The following WWC1 variants were observed in gnomAD, a reference collection of about 807,000 sequenced individuals.
WWC1 encodes WW and C2 domain containing 1, also known as protein KIBRA.
WWC1 carries 55 observed loss-of-function variants against 138.4 expected under a neutral mutation model. The ratio of observed to expected loss-of-function variants is 0.40; its 90% CI spans 0.32 to 0.50. The LOEUF (loss-of-function observed/expected upper bound fraction) is 0.50, where lower values mean the gene tolerates loss of function less well. Among genes scored for constraint, WWC1 ranks in the 20% least tolerant of loss-of-function variants. The pLI is 0.72. For missense variants in WWC1, 1,226 were observed against 1,420.4 expected, an observed-to-expected ratio of 0.86 and a Z score of 2.20; for synonymous variants, 524 against 564.9, an observed-to-expected ratio of 0.93 and a Z score of 1.03.
chr5:168,334,225 AAAC>A (rs143593638), intron 1 of WWC1, among the ~76,000 whole-genome samples: 18 of 151,228 alleles, frequency 1.2e-4, no homozygotes, highest in East Asian at 3.9e-4. Flanking sequence ...TCCTGTCTCA[AAAC>A]AACAACAACA....
intron 1 of WWC1, among the ~76,000 whole-genome samples, chr5:168,367,663 G>T (rs1358378057): frequency 2.0e-5 from 3 of 152,132 alleles, no homozygotes; most frequent in African/African-American, 7.2e-5. Flanking sequence ...TTTGGAATCT[G>T]GCAGTGGAAC....
intron 1 of WWC1, among the ~76,000 whole-genome samples, chr5:168,315,629 G>T (rs1771517110): frequency 6.6e-6 from 1 of 152,052 alleles, no homozygotes; most frequent in Admixed American, 6.6e-5. Flanking sequence ...CCTGAATGGG[G>T]AAGCATCCTG....
intron 6 of WWC1, among the ~76,000 whole-genome samples, chr5:168,408,063 C>T (rs1354764361): frequency 1.4e-5 from 2 of 147,466 alleles, no homozygotes; most frequent in African/African-American, 5.0e-5. Context: ...GATGGGAGTC[C>T]CACTGTGTTG....
At chr5:168,408,355 G>A in intron 6 of WWC1, 152 bp from the exon 7 acceptor site, 1 of 905,032 alleles carries the variant, frequency 1.1e-6, no homozygotes, top group Non-Finnish European at 1.6e-6. Flanking sequence ...CCCACTCACT[G>A]CTAGCTCTCT....
intron 1 of WWC1, among the ~76,000 whole-genome samples, chr5:168,318,222 T>C (rs1020136717): frequency 6.6e-6 from 1 of 152,202 alleles, no homozygotes; most frequent in Non-Finnish European, 1.5e-5. Flanking sequence ...CAATTTTTTA[T>C]AAGATTGTAT....
intron 15 of WWC1, 80 bp downstream of exon 15, chr5:168,431,524 G>C: frequency 6.7e-7 from 1 of 1,493,464 alleles, no homozygotes; most frequent in Non-Finnish European, 9.0e-7. Flanking sequence ...CTGTGTTTAT[G>C]GGGATTGGTC....
At chr5:168,394,747 C>T (rs1197679659) in intron 3 of WWC1, among the ~76,000 whole-genome samples, 1 of 151,982 alleles carries the variant, frequency 6.6e-6, no homozygotes, top group Admixed American at 6.6e-5. Flanking sequence ...AATAAGTTCT[C>T]GTAGTAGAGG....
chr5:168,441,466 A>G (rs1411782914), intron 15 of WWC1, among the ~76,000 whole-genome samples: 1 of 152,212 alleles, frequency 6.6e-6, no homozygotes, highest in African/African-American at 2.4e-5. Context: ...TAAGTCTTCA[A>G]TAAAGATTTG....
At chr5:168,339,878 T>C (rs1773853139) in intron 1 of WWC1, among the ~76,000 whole-genome samples, 1 of 143,066 alleles carries the variant, frequency 7.0e-6, no homozygotes, top group African/African-American at 2.8e-5. Context: ...TCTCTCTCCC[T>C]CTCTCCCTCT....
intron 1 of WWC1, among the ~76,000 whole-genome samples, chr5:168,307,805 T>C (rs1770712333): frequency 6.6e-6 from 1 of 151,906 alleles, no homozygotes; most frequent in Non-Finnish European, 1.5e-5. Flanking sequence ...AGAAGTGGGT[T>C]TTCACCATGT....
chr5:168,396,934 A>G (rs1778946883), intron 3 of WWC1, among the ~76,000 whole-genome samples: 1 of 151,304 alleles, frequency 6.6e-6, no homozygotes, highest in Non-Finnish European at 1.5e-5. Context: ...TTAATATTAT[A>G]AAGTACAATC....
chr5:168,351,588 G>T (rs1225516535), intron 1 of WWC1, among the ~76,000 whole-genome samples: 1 of 152,220 alleles, frequency 6.6e-6, no homozygotes, highest in African/African-American at 2.4e-5. Context: ...TGGGAGATGA[G>T]AAGAGGTTGC....
chr5:168,431,315 T>C lies in WWC1; in HGVS notation c.2151T>C (p.Pro717=), dbSNP rs1003277980. Residue 717 remains proline (P), a synonymous_variant, in exon 15 of 23, where the codon CCT becomes CCC. Coordinates refer to ENST00000265293, the MANE Select transcript of WWC1 (RefSeq NM_015238.3). ...CAACCTGCCTGTTCCGGACCCGGCC[T>C]CTGGACGCCTCAGACACTCTAGTGT... ...ESTTCLFRTR[P]LDASDTLVFN... is the part of the protein sequence containing the mutation. The C allele has an allele frequency of 1.2e-6, 2 of 1,614,194 alleles. No homozygotes were observed. The highest frequency in any genetic ancestry group is 8.5e-7 in the Non-Finnish European group (1 of 1,180,034).
chr5:168,419,378 G>A (rs933893547), intron 9 of WWC1, among the ~76,000 whole-genome samples: 2 of 152,162 alleles, frequency 1.3e-5, no homozygotes, highest in African/African-American at 4.8e-5. Context: ...TGGAGAAAAA[G>A]TCATCCATTC....
chr5:168,348,500 G>A (rs1007278783), intron 1 of WWC1, among the ~76,000 whole-genome samples: 15 of 152,166 alleles, frequency 9.9e-5, no homozygotes, highest in Admixed American at 3.3e-4. Context: ...AAGAAGTTCC[G>A]GGGTGGGGTG....
chr5:168,323,331 A>G (rs1489689207), intron 1 of WWC1, among the ~76,000 whole-genome samples: 1 of 152,144 alleles, frequency 6.6e-6, no homozygotes, highest in African/African-American at 2.4e-5. Context: ...GGATCCCTTG[A>G]ACTCAGGAGT....
chr5:168,471,470 G>C lies in WWC1; in HGVS notation c.*2453G>C, dbSNP rs1757669970. On this transcript the variant is annotated 3_prime_UTR_variant, in exon 23 of 23. Coordinates refer to ENST00000265293, the MANE Select transcript of WWC1 (RefSeq NM_015238.3). ...TACTAGGTTGTAGAGCACAAGGATGGTCTCGTGCTGCTCTGTGGCACCTGT... is the reference window on the plus strand; with the variant it reads ...TACTAGGTTGTAGAGCACAAGGATGCTCTCGTGCTGCTCTGTGGCACCTGT... 6.6e-6 allele frequency: 1 copy of C among 152,284 alleles called. No individual in the cohort carries two copies. The highest frequency in any genetic ancestry group is 1.5e-5 in the Non-Finnish European group (1 of 68,082). 9.4% of individuals were successfully genotyped at this position (152,284 alleles called of 1,614,324 possible).
intron 1 of WWC1, among the ~76,000 whole-genome samples, chr5:168,302,615 G>A (rs1770192962): frequency 6.6e-6 from 1 of 152,114 alleles, no homozygotes; most frequent in African/African-American, 2.4e-5. Flanking sequence ...GAGTGCAATG[G>A]TGATACACAA....
intron 17 of WWC1, among the ~76,000 whole-genome samples, chr5:168,452,337 T>C (rs1755906052): frequency 6.6e-6 from 1 of 152,176 alleles, no homozygotes; most frequent in Admixed American, 6.5e-5. Context: ...AGAATGTGAC[T>C]GTATTTGGAG....
Sources: gnomAD v4.1 joint callset for allele counts (sites outside exome capture counted in the v4.1 genomes callset) on GRCh38, gnomAD v4.1.1 for gene constraint, MANE v1.5 for transcripts, NCBI Gene and HGNC (gene_info 2026-07-23, HGNC 2026-07-21) for gene names.